TLX3: variants seen among roughly 807,000 people sequenced by gnomAD.
The protein encoded by TLX3 is T cell leukemia homeobox 3.
Under a neutral mutation model 19.6 loss-of-function variants are expected in TLX3, and 11 were observed. The ratio of observed to expected loss-of-function variants is 0.56; its 90% confidence interval spans 0.35 to 0.93. The LOEUF (loss-of-function observed/expected upper bound fraction) is 0.93. Among genes scored for constraint, TLX3 ranks in the 40% least tolerant of loss-of-function variants. TLX3 has a pLI of 0.01. For missense variants in TLX3, 375 were observed against 418.6 expected, an observed-to-expected ratio of 0.90 and a Z score of 0.91; for synonymous variants, 221 against 188.1, an observed-to-expected ratio of 1.17 and a Z score of -1.43.
At chr5:171,310,090 T>A in intron 1 of TLX3, 60 bp from the exon 2 acceptor site, 2 of 1,508,360 alleles carry the variant, frequency 1.3e-6, no homozygotes, top group Non-Finnish European at 1.8e-6. Flanking sequence ...GGGGTCCGCA[T>A]GGGGCCTGAA....
Position 171,309,462 on chromosome 5 carries a change from C to G in TLX3, c.97C>G (p.Pro33Ala). The G allele has an allele frequency of 6.3e-7, 1 of 1,598,940 alleles. No individual in the cohort carries two copies. Among genetic ancestry groups the G allele is most frequent in the Non-Finnish European group, 8.5e-7 (1 of 1,173,822 alleles). Reference protein sequence around the residue: ...ILNSPDQDSAPAPRGPDGASY... With the variant: ...ILNSPDQDSAAAPRGPDGASY... Reference sequence around the variant, plus strand: ...TAACAGCCCGGACCAGGACAGCGCACCCGCCCCGCGGGGCCCCGACGGCGC... The same window carrying G: ...TAACAGCCCGGACCAGGACAGCGCAGCCGCCCCGCGGGGCCCCGACGGCGC... The change falls in exon 1 of 3, where the codon CCC (proline) becomes GCC (alanine). Residue 33 changes from proline (P) to alanine (A), a missense_variant. Pro to Ala is a conservative substitution (Grantham distance 27, BLOSUM62 -1). This residue lies in a region of TLX3 where 239 missense variants were observed against 217.0 expected (regional missense o/e 1.10). Coordinates refer to ENST00000296921, the MANE Select transcript of TLX3 (RefSeq NM_021025.4).
chr5:171,311,401 G>C lies in TLX3; in HGVS notation c.678G>C (p.Ala226=). The change falls in exon 3 of 3, where the codon GCG becomes GCC. Residue 226 remains alanine (A), a synonymous_variant. Coordinates refer to ENST00000296921, the MANE Select transcript of TLX3 (RefSeq NM_021025.4). The surrounding 1 kb of genome is among the most constrained non-coding windows in gnomAD (Gnocchi z 5.1). The part of the protein sequence containing the change: ...NRRTKWRRQT[A]EEREAERQQA... ...TCCCCCGGTGCAGGCGGCAGACGGC[G>C]GAGGAGCGGGAGGCGGAGCGGCAGC... 6.4e-7 allele frequency: 1 copy of C among 1,556,738 alleles called. No individual in the cohort carries two copies. The highest frequency in any genetic ancestry group is 1.2e-5 in the South Asian group (1 of 84,482).
In TLX3 at chr5:171,311,726, C is replaced by T; in HGVS notation, c.*127C>T. On this transcript the variant is annotated 3_prime_UTR_variant, in exon 3 of 3. Coordinates refer to ENST00000296921, the MANE Select transcript of TLX3 (RefSeq NM_021025.4). The surrounding 1 kb of genome is among the most constrained non-coding windows in gnomAD (Gnocchi z 5.1). ...GGGGCCGCCTAGCCCGAGTAGGCCCCAGGGCGCGGCCACAGACTGGCGGGC... is the reference window on the plus strand; with the variant it reads ...GGGGCCGCCTAGCCCGAGTAGGCCCTAGGGCGCGGCCACAGACTGGCGGGC... 1 of 662,508 alleles carries T rather than the reference C, an allele frequency of 1.5e-6. No individual in the cohort carries two copies. The allele number at this position is 662,508 out of a possible 1,614,324, so 41.0% of individuals were successfully genotyped here.
At position 171,309,281 on chromosome 5, in the gene TLX3, G is replaced by C; in HGVS notation, c.-85G>C. 1 of 1,189,164 alleles carries C rather than the reference G, an allele frequency of 8.4e-7. No homozygotes were observed. Among genetic ancestry groups the C allele is most frequent in the South Asian group, 1.7e-5 (1 of 60,400 alleles). 73.7% of individuals were successfully genotyped at this position (1,189,164 alleles called of 1,614,324 possible). A position where few individuals can be genotyped will look rare whatever the true frequency, so the allele number is the denominator to read the frequency against. On this transcript the variant is annotated 5_prime_UTR_variant, in exon 1 of 3. Coordinates refer to ENST00000296921, the MANE Select transcript of TLX3 (RefSeq NM_021025.4). ...TTGGCAAAGTTTCAGTGCGACGAGA[G>C]GCGCCGGGCGCTCCATGGCCGCGCC...
At position 171,312,019 on chromosome 5, in the gene TLX3, C is replaced by A. The variant is rs1052172334; in HGVS notation, c.*420C>A. The stretch of plus-strand genomic sequence containing the variant: ...CTGGAGGAAGGGCAGCCGACCCGGC[C>A]GCTGGGGGAAGTGCCAGGGGCCCGG... On this transcript the variant is annotated 3_prime_UTR_variant, in exon 3 of 3. Coordinates refer to ENST00000296921, the MANE Select transcript of TLX3 (RefSeq NM_021025.4). 5.2e-6 allele frequency: 1 copy of A among 193,766 alleles called. No homozygotes were observed. The highest frequency in any genetic ancestry group is 1.9e-4 in the South Asian group (1 of 5,180). 12.0% of individuals were successfully genotyped at this position (193,766 alleles called of 1,614,324 possible).
Position 171,311,390 on chromosome 5 carries a change from C to T in TLX3, c.667C>T (p.Arg223Trp). ...WFQNRRTKWR[R>W]QTAEEREAER... is the part of the protein sequence containing the mutation. ...GTCCCTCTCCCTCCCCCGGTGCAGG[C>T]GGCAGACGGCGGAGGAGCGGGAGGC... Residue 223 changes from arginine to tryptophan, a missense_variant and splice_region_variant, in exon 3 of 3, where the codon CGG becomes TGG. Physicochemically the swap from Arg to Trp is moderately radical, Grantham distance 101. Around this residue, in one of 3 missense-constraint regions of TLX3, gnomAD observed 74 missense variants for 138.6 expected, o/e 0.53. Transcript: ENST00000296921. This position sits in a 1 kb window ranked among gnomAD's most constrained non-coding sequence, Gnocchi z 5.1. 1 of 1,552,172 alleles carries T rather than the reference C, an allele frequency of 6.4e-7. No homozygotes were observed. The highest frequency in any genetic ancestry group is 8.7e-7 in the Non-Finnish European group (1 of 1,148,502).
rs962041234 is a variant in TLX3, at chr5:171,311,040, A to G, written c.666-349A>G. Among the ~76,000 whole-genome samples, 2 of 151,892 alleles carry G rather than the reference A, an allele frequency of 1.3e-5. No homozygotes were observed. The highest frequency in any genetic ancestry group is 4.8e-5 in the African/African-American group (2 of 41,352). ...GCCAGCCTGCTCACCCGCGGACCCC[A>G]GCGACCCCGGTTCCCGCAGGGCCAA... On this transcript the variant is annotated intron_variant, in intron 2 of 2. Coordinates refer to ENST00000296921, the MANE Select transcript of TLX3 (RefSeq NM_021025.4). The surrounding 1 kb of genome is among the most constrained non-coding windows in gnomAD (Gnocchi z 5.1).
chr5:171,311,429 G>A lies in TLX3; in HGVS notation c.706G>A (p.Ala236Thr), dbSNP rs748475771. Residue 236 changes from alanine (A) to threonine (T), a missense_variant, in exon 3 of 3, where the codon GCG (alanine) becomes ACG (threonine). By Grantham distance (58) the Ala-to-Thr change is moderately conservative. Transcript: ENST00000296921. This position sits in a 1 kb window ranked among gnomAD's most constrained non-coding sequence, Gnocchi z 5.1. ...GGAGCGGGAGGCGGAGCGGCAGCAG[G>A]CGAGCCGGCTCATGCTGCAGCTGCA... ...AEEREAERQQ[A>T]SRLMLQLQHD... is the part of the protein sequence containing the mutation. The A allele has an allele frequency of 8.2e-5, 128 of 1,569,640 alleles. 1 individual carries two copies. In the East Asian group the frequency reaches 2.5e-3, roughly 31 times the overall value.
In TLX3 at chr5:171,311,334, G is replaced by A; in HGVS notation, c.666-55G>A. 2.3e-5 allele frequency: 34 copies of A among 1,484,866 alleles called. No homozygotes were observed. Among genetic ancestry groups the A allele is most frequent in the Non-Finnish European group, 2.9e-5 (32 of 1,111,110 alleles). The allele number at this position is 1,484,866 out of a possible 1,614,324, so 92.0% of individuals were successfully genotyped here. A position where few individuals can be genotyped will look rare whatever the true frequency, so the allele number is the denominator to read the frequency against. On this transcript the variant is annotated intron_variant, in intron 2 of 2. Transcript: ENST00000296921. This position sits in a 1 kb window ranked among gnomAD's most constrained non-coding sequence, Gnocchi z 5.1. Reference sequence around the variant, plus strand: ...CCGGGAGGGCCGGGGCCCCGCCGGCGGCCCCGCGGTGCCGGGTGCATGACG... The same window carrying A: ...CCGGGAGGGCCGGGGCCCCGCCGGCAGCCCCGCGGTGCCGGGTGCATGACG...
In TLX3 at chr5:171,311,404, G is replaced by A. The variant is rs766503083; in HGVS notation, c.681G>A (p.Glu227=). The change falls in exon 3 of 3, where the codon GAG becomes GAA. Residue 227 remains glutamate, a synonymous_variant. Coordinates refer to ENST00000296921, the MANE Select transcript of TLX3 (RefSeq NM_021025.4). The surrounding 1 kb of genome is among the most constrained non-coding windows in gnomAD (Gnocchi z 5.1). The part of the protein sequence containing the change: ...RRTKWRRQTA[E]EREAERQQAS... ...CCCGGTGCAGGCGGCAGACGGCGGA[G>A]GAGCGGGAGGCGGAGCGGCAGCAGG... 2.6e-6 allele frequency: 4 copies of A among 1,558,168 alleles called. No individual in the cohort carries two copies. Among genetic ancestry groups the A allele is most frequent in the East Asian group, 2.4e-5 (1 of 41,580 alleles).
chr5:171,311,733 C>G lies in TLX3; in HGVS notation c.*134C>G. 1 of 606,684 alleles carries G rather than the reference C, an allele frequency of 1.6e-6. No homozygotes were observed. The highest frequency in any genetic ancestry group is 2.5e-5 in the South Asian group (1 of 39,330). 37.6% of individuals were successfully genotyped at this position (606,684 alleles called of 1,614,324 possible). On this transcript the variant is annotated 3_prime_UTR_variant, in exon 3 of 3. Coordinates refer to ENST00000296921, the MANE Select transcript of TLX3 (RefSeq NM_021025.4). This position sits in a 1 kb window ranked among gnomAD's most constrained non-coding sequence, Gnocchi z 5.1. Reference sequence around the variant, plus strand: ...CCTAGCCCGAGTAGGCCCCAGGGCGCGGCCACAGACTGGCGGGCCGCGGAA... The same window carrying G: ...CCTAGCCCGAGTAGGCCCCAGGGCGGGGCCACAGACTGGCGGGCCGCGGAA...
chr5:171,311,915 T>C lies in TLX3; in HGVS notation c.*316T>C, dbSNP rs955391186. ...GGCGCCTGTATTATACTTTGTACTTTTGCCCAAACGTGTAAATAATAAAAA... is the reference window on the plus strand; with the variant it reads ...GGCGCCTGTATTATACTTTGTACTTCTGCCCAAACGTGTAAATAATAAAAA... On this transcript the variant is annotated 3_prime_UTR_variant, in exon 3 of 3. Coordinates refer to ENST00000296921, the MANE Select transcript of TLX3 (RefSeq NM_021025.4). The surrounding 1 kb of genome is among the most constrained non-coding windows in gnomAD (Gnocchi z 5.1). 8.6e-6 allele frequency: 2 copies of C among 232,314 alleles called. No homozygotes were observed. Among genetic ancestry groups the C allele is most frequent in the Admixed American group, 5.8e-5 (1 of 17,380 alleles). The allele number at this position is 232,314 out of a possible 1,614,324, so 14.4% of individuals were successfully genotyped here.
chr5:171,310,436 C>T lies in TLX3; in HGVS notation c.665+43C>T, dbSNP rs767315501. 8.2e-6 allele frequency: 13 copies of T among 1,590,198 alleles called. No individual in the cohort carries two copies. The South Asian group carries it at 1.4e-4, about 17-fold the overall frequency. On this transcript the variant is annotated intron_variant, in intron 2 of 2. Transcript: ENST00000296921. Reference sequence around the variant, plus strand: ...CGGCCCACCTTACACCTGCCCTTCACCTGTCCCGCCCCGAGCCGCAGCCTC... The same window carrying T: ...CGGCCCACCTTACACCTGCCCTTCATCTGTCCCGCCCCGAGCCGCAGCCTC...
rs145807029 is a variant in TLX3 at position 171,311,593 on chromosome 5, G to C, written c.870G>C (p.Leu290=). 550 of 1,608,214 alleles carry C rather than the reference G, an allele frequency of 3.4e-4. 1 individual carries two copies. In the African/African-American group the frequency reaches 6.0e-3, roughly 18 times the overall value. The stretch of plus-strand genomic sequence containing the variant: ...CCAAGGTTCCCGCTGTCACCTCCCT[G>C]GTGTGAGCCCACCAGCGCGCACCGT... The part of the protein sequence containing the change: ...DSSKVPAVTS[L]V Residue 290 remains leucine, a synonymous_variant, in exon 3 of 3, where the codon CTG becomes CTC. Coordinates refer to ENST00000296921, the MANE Select transcript of TLX3 (RefSeq NM_021025.4). The surrounding 1 kb of genome is among the most constrained non-coding windows in gnomAD (Gnocchi z 5.1).
rs1331321909 is a variant in TLX3 at position 171,310,185 on chromosome 5, C to A, written c.457C>A (p.Arg153Ser). 1 of 1,551,912 alleles carries A rather than the reference C, an allele frequency of 6.4e-7. No homozygotes were observed. Among genetic ancestry groups the A allele is most frequent in the Non-Finnish European group, 8.7e-7 (1 of 1,147,650 alleles). The change falls in exon 2 of 3, where the codon CGC (arginine) becomes AGC (serine). Residue 153 changes from arginine (R) to serine (S), a missense_variant. Transcript: ENST00000296921. ...AALTPFTVTR[R>S]IGHPYQNRTP... ...ACTCACGCCCTTCACCGTGACCCGG[C>A]GCATCGGCCACCCCTACCAGAACCG... is the stretch of plus-strand genomic sequence containing the variant.
Position 171,310,275 on chromosome 5 carries a change from A to G in TLX3, c.547A>G (p.Lys183Glu). Residue 183 changes from lysine to glutamate, a missense_variant, in exon 2 of 3, where the codon AAG becomes GAG. By Grantham distance (56) the Lys-to-Glu change is moderately conservative. This residue lies in a region of TLX3 where 74 missense variants were observed against 138.6 expected (regional missense o/e 0.53). Coordinates refer to ENST00000296921, the MANE Select transcript of TLX3 (RefSeq NM_021025.4). ...FSRVQICELE[K>E]RFHRQKYLAS... ...CCGGGTGCAGATCTGCGAGCTGGAA[A>G]AGCGCTTCCATCGCCAGAAGTACCT... The G allele has an allele frequency of 6.3e-7, 1 of 1,587,584 alleles. No individual in the cohort carries two copies. The highest frequency in any genetic ancestry group is 8.6e-7 in the Non-Finnish European group (1 of 1,167,582).
chr5:171,311,271 G>A lies in TLX3; in HGVS notation c.666-118G>A, dbSNP rs1769215679. 1 of 794,712 alleles carries A rather than the reference G, an allele frequency of 1.3e-6. No individual in the cohort carries two copies. Among genetic ancestry groups the A allele is most frequent in the Admixed American group, 2.9e-5 (1 of 34,462 alleles). The allele number at this position is 794,712 out of a possible 1,614,324, so 49.2% of individuals were successfully genotyped here. On this transcript the variant is annotated intron_variant, in intron 2 of 2. Transcript: ENST00000296921. This position sits in a 1 kb window ranked among gnomAD's most constrained non-coding sequence, Gnocchi z 5.1. Reference sequence around the variant, plus strand: ...GTAAAGCGCGGGCTGGGAGGCAGACGGGTTCTGCGCCTCGAGGCTCCCGGA... The same window carrying A: ...GTAAAGCGCGGGCTGGGAGGCAGACAGGTTCTGCGCCTCGAGGCTCCCGGA...
At chr5:171,309,865 C>A in intron 1 of TLX3, 79 bp downstream of exon 1, 1 of 1,459,306 alleles carries the variant, frequency 6.9e-7, no homozygotes, top group Non-Finnish European at 9.0e-7. Context: ...GCTCCACTCC[C>A]GGAAACCATT....
rs750431646 is a variant in TLX3 at position 171,311,367 on chromosome 5, C to G, written c.666-22C>G. ...GGTGCCGGGTGCATGACGGTACTGT[C>G]CCTCTCCCTCCCCCGGTGCAGGCGG... is the stretch of plus-strand genomic sequence containing the variant. On this transcript the variant is annotated intron_variant, in intron 2 of 2. Transcript: ENST00000296921. This position sits in a 1 kb window ranked among gnomAD's most constrained non-coding sequence, Gnocchi z 5.1. 1.3e-6 allele frequency: 2 copies of G among 1,547,054 alleles called. No homozygotes were observed. Among genetic ancestry groups the G allele is most frequent in the South Asian group, 2.4e-5 (2 of 83,746 alleles).
Sources: allele counts gnomAD v4.1 joint callset (sites outside exome capture counted in the v4.1 genomes callset), GRCh38; gene constraint gnomAD v4.1.1; regional missense constraint gnomAD v4.1.1; non-coding constraint Gnocchi (gnomAD v3.1); transcripts MANE v1.5; gene names NCBI Gene and HGNC (gene_info 2026-07-23, HGNC 2026-07-21).